Variants in NUP160 observed in about 807,000 individuals in gnomAD.
NUP160 encodes the protein nuclear pore complex protein Nup160.
A neutral mutation model predicts 196.9 loss-of-function variants in NUP160; 94 were observed. The ratio of observed to expected loss-of-function variants is 0.48; its 90% CI spans 0.40 to 0.57. The LOEUF is 0.57. NUP160 is among the 20% of genes least tolerant of loss of function. The pLI, the probability that NUP160 is intolerant of heterozygous loss-of-function variation, is 0.00. For synonymous variants in NUP160, 605 were observed against 619.7 expected, an observed-to-expected ratio of 0.98 and a Z score of 0.35; for missense variants, 1,638 against 1,748.3, an observed-to-expected ratio of 0.94 and a Z score of 1.13.
intron 9 of NUP160, 25 bp downstream of exon 9, chr11:47,821,699 G>A: frequency 6.5e-7 from 1 of 1,544,376 alleles, no homozygotes; most frequent in Non-Finnish European, 9.0e-7. Flanking sequence ...GGTGAGGTAG[G>A]ATGACAGAAT....
chr11:47,807,079 T>A, exon 19 of NUP160: 1 of 1,607,416 alleles, frequency 6.2e-7, no homozygotes, highest in Non-Finnish European at 8.5e-7. Context: ...CCAAACCTAT[T>A]TGCCATTAAA....
intron 2 of NUP160, among the ~76,000 whole-genome samples, chr11:47,845,007 G>T (rs924403288): frequency 6.6e-6 from 1 of 152,170 alleles, no homozygotes; most frequent in African/African-American, 2.4e-5. Flanking sequence ...GCAACATCAG[G>T]AAGTTACATC....
chr11:47,840,363 A>C lies in NUP160; in HGVS notation c.525+15T>G. On this transcript the variant is annotated intron_variant, in intron 3 of 35. Coordinates refer to ENST00000378460, the Ensembl canonical transcript of NUP160. Reference sequence around the variant, plus strand: ...TAATTTGGGAAATAAAAGATATTGCACTTAGCCAACTTACACTCCTATACA... The same window carrying C: ...TAATTTGGGAAATAAAAGATATTGCCCTTAGCCAACTTACACTCCTATACA... 3 of 1,601,818 alleles carry C rather than the reference A, an allele frequency of 1.9e-6. No homozygotes were observed. The highest frequency in any genetic ancestry group is 2.2e-5 in the South Asian group (2 of 90,846).
At chr11:47,783,081 C>G (rs778345416) in exon 34 of NUP160, 1 of 1,612,530 alleles carries the variant, frequency 6.2e-7, no homozygotes, top group African/African-American at 1.3e-5. Flanking sequence ...ACCTCAATTC[C>G]GAAGTATTGA....
intron 3 of NUP160, 48 bp downstream of exon 3, chr11:47,840,330 A>G: frequency 6.7e-7 from 1 of 1,485,146 alleles, no homozygotes; most frequent in East Asian, 2.3e-5. Context: ...CATTTGTGAC[A>G]CCCAGAGTAA....
intron 23 of NUP160, among the ~76,000 whole-genome samples, chr11:47,801,243 C>T (rs1029371614): frequency 2.6e-5 from 4 of 152,268 alleles, no homozygotes; most frequent in Middle Eastern, 3.4e-3. Flanking sequence ...TAATAAAATA[C>T]CATGACGAAA....
rs185594917 is a variant in NUP160, at chr11:47,787,636, C to A, written c.3746+546G>T. Among the ~76,000 whole-genome samples the A allele has an allele frequency of 6.0e-3, 917 of 152,032 alleles. 9 individuals are homozygous for A. The highest frequency in any genetic ancestry group is 0.011 in the Non-Finnish European group (755 of 67,978). On this transcript the variant is annotated intron_variant, in intron 31 of 35. Coordinates refer to ENST00000378460, the Ensembl canonical transcript of NUP160. Reference sequence around the variant, plus strand: ...ACAGGGTTTCACCATGTTGGCCAGGCTGGTCCCAAGCGATCCACCCGCCAC... The same window carrying A: ...ACAGGGTTTCACCATGTTGGCCAGGATGGTCCCAAGCGATCCACCCGCCAC...
Position 47,831,609 on chromosome 11 carries a change from C to T in NUP160, c.1101+4042G>A, listed in dbSNP as rs567170069. Among the ~76,000 whole-genome samples, 9 of 151,254 alleles carry T rather than the reference C, an allele frequency of 6.0e-5. No individual in the cohort carries two copies. The East Asian group carries it at 7.9e-4, about 13-fold the overall frequency. Reference sequence around the variant, plus strand: ...CTGTAATCCCAGCACTTTGGGAGGCCGAGGCAGGCGGATTACCTGAGATCA... The same window carrying T: ...CTGTAATCCCAGCACTTTGGGAGGCTGAGGCAGGCGGATTACCTGAGATCA... On this transcript the variant is annotated intron_variant, in intron 7 of 35. Transcript: ENST00000378460.
exon 28 of NUP160, chr11:47,792,845 A>C: frequency 6.2e-7 from 1 of 1,614,170 alleles, no homozygotes; most frequent in Non-Finnish European, 8.5e-7. Context: ...AGTCGTAAAC[A>C]ATTGAGAGCA....
chr11:47,835,939 G>A (rs756369636), intron 6 of NUP160, 130 bp from the exon 7 acceptor site: 4 of 763,586 alleles, frequency 5.2e-6, no homozygotes, highest in Non-Finnish European at 7.9e-6. Flanking sequence ...GACCTTACAG[G>A]TTTTTGTTTC....
chr11:47,821,137 G>A (rs1031836018), intron 9 of NUP160, among the ~76,000 whole-genome samples: 1 of 151,920 alleles, frequency 6.6e-6, no homozygotes, highest in Admixed American at 6.6e-5. Context: ...TCCCAGATTA[G>A]AGGTATTTTG....
chr11:47,841,419 C>T (rs904889303), intron 2 of NUP160: 4 of 457,526 alleles, frequency 8.7e-6, no homozygotes, highest in Non-Finnish European at 1.7e-5. Context: ...AATTCATCTC[C>T]ACTTGGTTCA....
intron 4 of NUP160, 29 bp downstream of exon 4, chr11:47,839,814 T>C (rs1852258499): frequency 1.3e-6 from 2 of 1,558,462 alleles, no homozygotes; most frequent in Non-Finnish European, 1.8e-6. Context: ...TTGTTTAAAG[T>C]TAAATCCATG....
intron 33 of NUP160, 43 bp from the exon 34 acceptor site, chr11:47,783,241 CTACT>C: frequency 1.9e-6 from 3 of 1,597,468 alleles, no homozygotes; most frequent in Non-Finnish European, 2.6e-6. Flanking sequence ...TATTTCCCTC[CTACT>C]TGAGTACTGA....
At chr11:47,841,450 TTTC>T in intron 2 of NUP160, 1 of 420,428 alleles carries the variant, frequency 2.4e-6, no homozygotes, top group South Asian at 3.1e-5. Flanking sequence ...TGGCAGAGCA[TTTC>T]TTTTTAACAA....
intron 30 of NUP160, 69 bp from the exon 31 acceptor site, chr11:47,788,374 T>C: frequency 6.3e-7 from 1 of 1,595,032 alleles, no homozygotes; most frequent in Non-Finnish European, 8.6e-7. Context: ...GATTTTGTTT[T>C]GTTGATGAGT....
chr11:47,815,308 T>G, intron 13 of NUP160, 171 bp downstream of exon 13: 2 of 432,952 alleles, frequency 4.6e-6, no homozygotes, highest in African/African-American at 4.1e-5. Context: ...AATGAATGAA[T>G]CACAATTTTA....
At chr11:47,784,120 G>A (rs922206312) in intron 33 of NUP160, among the ~76,000 whole-genome samples, 3 of 151,904 alleles carry the variant, frequency 2.0e-5, no homozygotes, top group African/African-American at 7.3e-5. Flanking sequence ...TCCTACTAAC[G>A]GTGGTTCAGA....
chr11:47,801,668 T>C (rs756181634), intron 23 of NUP160, 143 bp downstream of exon 23: 142 of 795,696 alleles, frequency 1.8e-4, no homozygotes, highest in Non-Finnish European at 2.7e-4. Flanking sequence ...TTAATTTCTC[T>C]AGGCAAATTC....
Sources: gnomAD v4.1 joint callset for allele counts (sites outside exome capture counted in the v4.1 genomes callset) on GRCh38, gnomAD v4.1.1 for gene constraint, MANE v1.5 for transcripts, NCBI Gene and HGNC (gene_info 2026-07-23, HGNC 2026-07-21) for gene names.